MAST2: variants seen among roughly 807,000 people sequenced by gnomAD.
MAST2 encodes microtubule-associated serine/threonine-protein kinase 2.
In MAST2, 70 loss-of-function variants were observed where a neutral mutation model predicts 147.4. The ratio of observed to expected loss-of-function variants is 0.47; its 90% confidence interval spans 0.39 to 0.58. The LOEUF (loss-of-function observed/expected upper bound fraction) is 0.58. MAST2 is among the 20% of genes least tolerant of loss of function. MAST2 has a pLI of 0.00. For missense variants in MAST2, 2,080 were observed against 2,302.3 expected (o/e 0.90, Z 1.98); for synonymous variants, 869 against 896.8 (o/e 0.97, Z 0.55).
At chr1:45,888,859 T>G (rs1205723280) in intron 4 of MAST2, among the ~76,000 whole-genome samples, 6 of 151,228 alleles carry the variant, frequency 4.0e-5, no homozygotes, top group Admixed American at 2.6e-4. Flanking sequence ...TTTTTGTATT[T>G]TTAGTAGAGA....
chr1:45,953,189 C>T (rs1659182729), intron 4 of MAST2, among the ~76,000 whole-genome samples: 1 of 150,210 alleles, frequency 6.7e-6, no homozygotes, highest in Non-Finnish European at 1.5e-5. Flanking sequence ...CAGAAAAAAA[C>T]AAAACAATAT....
rs1646518012 is a variant in MAST2, at chr1:46,028,790, T to C, written c.2075T>C (p.Ile692Thr). 2 of 1,614,144 alleles carry C rather than the reference T, an allele frequency of 1.2e-6. No homozygotes were observed. Among genetic ancestry groups the C allele is most frequent in the Non-Finnish European group, 1.7e-6 (2 of 1,180,002 alleles). The change falls in exon 18 of 29, where the codon ATT becomes ACT. Residue 692 changes from isoleucine to threonine, a missense_variant. Around this residue, in one of 4 missense-constraint regions of MAST2, gnomAD observed 209 missense variants for 309.5 expected, o/e 0.68. Coordinates refer to ENST00000361297, the MANE Select transcript of MAST2 (RefSeq NM_015112.3). The stretch of plus-strand genomic sequence containing the variant: ...CAGGTATGCGGGACCCCAGAATACA[T>C]TGCGCCTGAGGTGATCCTGCGCCAG... ...DKQVCGTPEYIAPEVILRQGY... is the reference protein window; with the variant it reads ...DKQVCGTPEYTAPEVILRQGY...
Position 45,887,984 on chromosome 1 carries a change from T to A in MAST2, c.500+5589T>A, listed in dbSNP as rs567843913. Among the ~76,000 whole-genome samples the A allele has an allele frequency of 6.6e-5, 10 of 152,318 alleles. No homozygotes were observed. In the East Asian group the frequency reaches 1.9e-3, roughly 29 times the overall value. On this transcript the variant is annotated intron_variant, in intron 4 of 28. Coordinates refer to ENST00000361297, the MANE Select transcript of MAST2 (RefSeq NM_015112.3). ...ATCCCTACAGGGAACCAGTTTGTTGTTAAAAAATGGATGTAGTTGTTGGCG... is the reference window on the plus strand; with the variant it reads ...ATCCCTACAGGGAACCAGTTTGTTGATAAAAAATGGATGTAGTTGTTGGCG...
chr1:46,023,903 A>G lies in MAST2; in HGVS notation c.1703A>G (p.Glu568Gly), dbSNP rs1646293822. 1.1e-5 allele frequency: 18 copies of G among 1,614,228 alleles called. No homozygotes were observed. Among genetic ancestry groups the G allele is most frequent in the Non-Finnish European group, 1.5e-5 (18 of 1,180,048 alleles). ...GAGCGTGACATACTGACTTTCGCTG[A>G]GAACCCCTTTGTGGTCAGCATGTTC... Reference protein sequence around the residue: ...FVERDILTFAENPFVVSMFCS... With the variant: ...FVERDILTFAGNPFVVSMFCS... Residue 568 changes from glutamate to glycine, a missense_variant, in exon 15 of 29, where the codon GAG (glutamate) becomes GGG (glycine). Glu to Gly is a moderately conservative substitution (Grantham distance 98, BLOSUM62 -2). Coordinates refer to ENST00000361297, the MANE Select transcript of MAST2 (RefSeq NM_015112.3). This position sits in a 1 kb window ranked among gnomAD's most constrained non-coding sequence, Gnocchi z 4.9.
At chr1:45,900,938 C>T (rs1015910415) in intron 4 of MAST2, among the ~76,000 whole-genome samples, 2 of 152,078 alleles carry the variant, frequency 1.3e-5, no homozygotes, top group East Asian at 3.8e-4. Context: ...TATTTTCTCC[C>T]ATTCTATGGG....
chr1:45,930,117 T>C (rs1037698511), intron 4 of MAST2, among the ~76,000 whole-genome samples: 4 of 151,976 alleles, frequency 2.6e-5, no homozygotes, highest in African/African-American at 7.2e-5. Flanking sequence ...GGATGGAATT[T>C]CTCTGTCGCC....
In MAST2 at chr1:46,034,698, G is replaced by A. The variant is rs774879812; in HGVS notation, c.4029G>A (p.Leu1343=). ...GCAAGTCAGCAGGCAGCATCCCACT[G>A]TCACCACTGGCCCACACCCCTTCTC... The part of the protein sequence containing the change: ...PRRKSAGSIP[L]SPLAHTPSPP... The change falls in exon 29 of 29, where the codon CTG becomes CTA. Residue 1343 remains leucine (L), a synonymous_variant. Transcript: ENST00000361297. 5 of 1,613,990 alleles carry A rather than the reference G, an allele frequency of 3.1e-6. No homozygotes were observed. The highest frequency in any genetic ancestry group is 4.2e-6 in the Non-Finnish European group (5 of 1,180,024).
At chr1:45,997,910 C>G (rs1002055287) in intron 6 of MAST2, 111 bp downstream of exon 6, 4 of 869,502 alleles carry the variant, frequency 4.6e-6, no homozygotes, top group African/African-American at 3.3e-5. Context: ...AGTGTATTAC[C>G]TGAAGCTCCC....
At chr1:45,817,690 A>G (rs1233185831) in intron 1 of MAST2, among the ~76,000 whole-genome samples, 2 of 151,914 alleles carry the variant, frequency 1.3e-5, no homozygotes, top group Non-Finnish European at 2.9e-5. Flanking sequence ...TACTATATTA[A>G]TAACAATAAT....
chr1:45,980,567 C>G (rs1024570047), intron 5 of MAST2, among the ~76,000 whole-genome samples: 2 of 152,174 alleles, frequency 1.3e-5, no homozygotes, highest in African/African-American at 4.8e-5. Context: ...CAAGGTCCTG[C>G]TTTGTCACAT....
chr1:45,914,110 T>G (rs1570688161), intron 4 of MAST2, among the ~76,000 whole-genome samples: 2 of 152,174 alleles, frequency 1.3e-5, no homozygotes, highest in South Asian at 4.1e-4. Flanking sequence ...TCCTGAATAC[T>G]TGGAGAACTG....
At chr1:45,856,210 A>G (rs1645783579) in intron 3 of MAST2, among the ~76,000 whole-genome samples, 1 of 152,186 alleles carries the variant, frequency 6.6e-6, no homozygotes, top group Admixed American at 6.5e-5. Context: ...TCCGTAATCC[A>G]ATGCTTTGGG....
intron 3 of MAST2, chr1:45,847,635 G>T: frequency 1.8e-6 from 1 of 557,566 alleles, no homozygotes; most frequent in Non-Finnish European, 3.1e-6. Flanking sequence ...CCACAGAGGA[G>T]CTCTGCACTC....
intron 1 of MAST2, among the ~76,000 whole-genome samples, chr1:45,807,066 A>G (rs1258916570): frequency 6.6e-6 from 1 of 152,230 alleles, no homozygotes; most frequent in African/African-American, 2.4e-5. Context: ...AAATAGTTAC[A>G]GAGAGAAATA....
intron 11 of MAST2, among the ~76,000 whole-genome samples, chr1:46,021,535 T>G (rs1646179137): frequency 6.6e-6 from 1 of 152,180 alleles, no homozygotes; most frequent in African/African-American, 2.4e-5. Flanking sequence ...AGTAAATATT[T>G]GAAGGTATAC....
At chr1:45,833,708 G>A (rs1645025477) in intron 3 of MAST2, among the ~76,000 whole-genome samples, 1 of 151,976 alleles carries the variant, frequency 6.6e-6, no homozygotes, top group Non-Finnish European at 1.5e-5. Context: ...TGTGCTTACC[G>A]GACATTTGTT....
At chr1:45,907,453 G>C (rs1570657331) in intron 4 of MAST2, among the ~76,000 whole-genome samples, 1 of 148,216 alleles carries the variant, frequency 6.7e-6, no homozygotes, top group Non-Finnish European at 1.5e-5. Context: ...AACAAAATTT[G>C]CCATTTTAAC....
intron 4 of MAST2, among the ~76,000 whole-genome samples, chr1:45,956,757 ACACC>A (rs1235334835): frequency 6.6e-6 from 1 of 152,222 alleles, no homozygotes; most frequent in African/African-American, 2.4e-5. Flanking sequence ...TATGGTGGAT[ACACC>A]CATCAGCCAG....
chr1:45,812,960 C>T (rs74318604), intron 1 of MAST2, among the ~76,000 whole-genome samples: 6,889 of 152,078 alleles, frequency 0.045, 504 homozygotes, highest in African/African-American at 0.15. Flanking sequence ...GGTCTGTTTG[C>T]TGCTACAGTT....
Sources: gnomAD v4.1 joint callset for allele counts (sites outside exome capture counted in the v4.1 genomes callset) on GRCh38, gnomAD v4.1.1 for gene constraint, gnomAD v4.1.1 regional missense constraint, Gnocchi (gnomAD v3.1) non-coding constraint, MANE v1.5 for transcripts, NCBI Gene and HGNC (gene_info 2026-07-23, HGNC 2026-07-21) for gene names.